PRKN: variants seen among roughly 807,000 people sequenced by gnomAD.
PRKN encodes the protein parkin RBR E3 ubiquitin protein ligase, also known as E3 ubiquitin-protein ligase parkin.
Under a neutral mutation model 59.5 loss-of-function variants are expected in PRKN, and 56 were observed. The observed-to-expected ratio is 0.94, with a 90% CI of 0.76 to 1.18. The LOEUF (loss-of-function observed/expected upper bound fraction) is 1.18, where lower values mean the gene tolerates loss of function less well. Ranked by LOEUF, PRKN falls within the 50% of genes most tolerant of loss-of-function variation. The probability of loss-of-function intolerance (pLI) is 0.00; values close to 1 mark genes in which losing one functional copy is unlikely to be tolerated. For synonymous variants in PRKN, 250 were observed against 222.1 expected, an observed-to-expected ratio of 1.13 and a Z score of -1.12; for missense variants, 657 against 596.4, an observed-to-expected ratio of 1.10 and a Z score of -1.06.
intron 1 of PRKN, among the ~76,000 whole-genome samples, chr6:162,725,402 A>T (rs1779108334): frequency 6.6e-6 from 1 of 152,088 alleles, no homozygotes; most frequent in Admixed American, 6.5e-5. Context: ...TTTCACTTTC[A>T]CCTACCTTTA....
rs147959133 is a variant in PRKN at position 161,804,031 on chromosome 6, C to T, written c.735-18123G>A. Among the ~76,000 whole-genome samples, 458 of 152,314 alleles carry T rather than the reference C, an allele frequency of 3.0e-3. 3 individuals are homozygous for T. The highest frequency in any genetic ancestry group is 0.01 in the African/African-American group (433 of 41,570). ...GGGGGGTGGCACAGCCTCCAGGTGA[C>T]CTGCAGCTGCCACAGCAGGAGAACA... On this transcript the variant is annotated intron_variant, in intron 6 of 11. Transcript: ENST00000366898.
rs1311509912 is a variant in PRKN, at chr6:161,363,271, A to G, written c.1168-3066T>C. ...AAACTTAACTGAGTATAAACTAAAT[A>G]TGTTTGTTATATTTAAATAAATAAA... On this transcript the variant is annotated intron_variant, in intron 10 of 11. Coordinates refer to ENST00000366898, the MANE Select transcript of PRKN (RefSeq NM_004562.3). This position sits in a 1 kb window ranked among gnomAD's most constrained non-coding sequence, Gnocchi z 4.1. 6.6e-6 allele frequency among the ~76,000 whole-genome samples: 1 copy of G among 152,152 alleles called. No individual in the cohort carries two copies. Among genetic ancestry groups the G allele is most frequent in the Non-Finnish European group, 1.5e-5 (1 of 68,022 alleles).
At chr6:162,024,141 AGTTT>A (rs1263844303) in intron 5 of PRKN, among the ~76,000 whole-genome samples, 2 of 146,628 alleles carry the variant, frequency 1.4e-5, no homozygotes, top group African/African-American at 2.6e-5. Context: ...GATGTTTTCC[AGTTT>A]GTTTGTGTCA....
At chr6:162,020,597 T>C (rs1783109187) in intron 5 of PRKN, among the ~76,000 whole-genome samples, 1 of 152,198 alleles carries the variant, frequency 6.6e-6, no homozygotes, top group East Asian at 1.9e-4. Flanking sequence ...AACAAAAAAG[T>C]TCAAGCTTAT....
intron 6 of PRKN, among the ~76,000 whole-genome samples, chr6:161,825,758 A>G (rs1257899914): frequency 1.3e-5 from 2 of 152,060 alleles, no homozygotes; most frequent in African/African-American, 2.4e-5. Context: ...AATGGGAGAC[A>G]GGAGGATTCT....
intron 2 of PRKN, among the ~76,000 whole-genome samples, chr6:162,389,239 A>G (rs528734309): frequency 6.6e-6 from 1 of 152,180 alleles, no homozygotes; most frequent in Admixed American, 6.5e-5. Context: ...AAATAGCAAG[A>G]AGGCAGTTGG....
intron 5 of PRKN, among the ~76,000 whole-genome samples, chr6:161,984,771 A>C (rs539370702): frequency 1.3e-5 from 2 of 152,330 alleles, no homozygotes; most frequent in East Asian, 3.9e-4. Context: ...TTACTTGTGC[A>C]TATGATCTTG....
chr6:162,496,025 G>A (rs1195827004), intron 1 of PRKN, among the ~76,000 whole-genome samples: 2 of 152,154 alleles, frequency 1.3e-5, no homozygotes, highest in Admixed American at 6.5e-5. Flanking sequence ...ATCACTTGAG[G>A]TCAGGAGTTT....
At chr6:162,015,555 C>A (rs1469553111) in intron 5 of PRKN, among the ~76,000 whole-genome samples, 1 of 151,664 alleles carries the variant, frequency 6.6e-6, no homozygotes, top group Non-Finnish European at 1.5e-5. Context: ...TTGTCAGCTA[C>A]GCTCTTGCTG....
rs1788495646 is a variant in PRKN at position 161,428,482 on chromosome 6, T to C, written c.1084-41605A>G. 1.3e-5 allele frequency among the ~76,000 whole-genome samples: 2 copies of C among 152,114 alleles called. No individual in the cohort carries two copies. Among genetic ancestry groups the C allele is most frequent in the South Asian group, 2.1e-4 (1 of 4,832 alleles). On this transcript the variant is annotated intron_variant, in intron 9 of 11. Coordinates refer to ENST00000366898, the MANE Select transcript of PRKN (RefSeq NM_004562.3). This position sits in a 1 kb window ranked among gnomAD's most constrained non-coding sequence, Gnocchi z 4.0. Reference sequence around the variant, plus strand: ...CGGCTGCTCCGTCCATCTTCGAACCTGGCTGGCATCGCAGATGCCCGTGCC... The same window carrying C: ...CGGCTGCTCCGTCCATCTTCGAACCCGGCTGGCATCGCAGATGCCCGTGCC...
At chr6:161,884,923 G>A (rs1795075521) in intron 6 of PRKN, among the ~76,000 whole-genome samples, 1 of 151,064 alleles carries the variant, frequency 6.6e-6, no homozygotes, top group East Asian at 1.9e-4. Flanking sequence ...GCAAAGAATA[G>A]CACTAGACAC....
In PRKN at chr6:161,584,507, T is replaced by C. The variant is rs1042980977; in HGVS notation, c.872-15091A>G. On this transcript the variant is annotated intron_variant, in intron 7 of 11. Coordinates refer to ENST00000366898, the MANE Select transcript of PRKN (RefSeq NM_004562.3). The surrounding 1 kb of genome is among the most constrained non-coding windows in gnomAD (Gnocchi z 4.8). Reference sequence around the variant, plus strand: ...GGGGGAAAAAACCTTATGGCTGGCCTGTTATTAGAAGAAAATCTTTTAACA... The same window carrying C: ...GGGGGAAAAAACCTTATGGCTGGCCCGTTATTAGAAGAAAATCTTTTAACA... 6.6e-6 allele frequency among the ~76,000 whole-genome samples: 1 copy of C among 152,260 alleles called. No individual in the cohort carries two copies.
At chr6:161,558,406 T>G (rs926356744) in intron 8 of PRKN, among the ~76,000 whole-genome samples, 4 of 149,824 alleles carry the variant, frequency 2.7e-5, no homozygotes, top group Non-Finnish European at 5.9e-5. Context: ...GACAAAAAAT[T>G]AAAAAAAAAT....
intron 5 of PRKN, among the ~76,000 whole-genome samples, chr6:161,996,022 A>T (rs1361107742): frequency 6.6e-6 from 1 of 152,172 alleles, no homozygotes; most frequent in African/African-American, 2.4e-5. Context: ...CATATGATCC[A>T]ATAATCCCAT....
intron 2 of PRKN, among the ~76,000 whole-genome samples, chr6:162,305,135 A>G (rs2128115531): frequency 6.6e-6 from 1 of 152,292 alleles, no homozygotes; most frequent in East Asian, 1.9e-4. Flanking sequence ...CTGCAGAAGG[A>G]AGACTTGAAC....
chr6:162,657,520 A>G (rs1456777324), intron 1 of PRKN, among the ~76,000 whole-genome samples: 1 of 152,182 alleles, frequency 6.6e-6, no homozygotes, highest in Non-Finnish European at 1.5e-5. Context: ...CTAAGCAACA[A>G]AAAGTTCTCT....
chr6:161,999,937 C>G (rs1201016345), intron 5 of PRKN, among the ~76,000 whole-genome samples: 1 of 152,032 alleles, frequency 6.6e-6, no homozygotes, highest in Non-Finnish European at 1.5e-5. Flanking sequence ...CTAATAGTAA[C>G]AAGATGCTTA....
At chr6:161,937,325 A>T (rs1444593301) in intron 6 of PRKN, among the ~76,000 whole-genome samples, 5 of 152,166 alleles carry the variant, frequency 3.3e-5, no homozygotes. Context: ...GTATGCTTAC[A>T]TGTTCTTACT....
At chr6:162,686,261 T>G (rs1443877307) in intron 1 of PRKN, among the ~76,000 whole-genome samples, 1 of 152,170 alleles carries the variant, frequency 6.6e-6, no homozygotes, top group Non-Finnish European at 1.5e-5. Context: ...TTCTTCCAGC[T>G]GACCCTATGG....
Sources: gnomAD v4.1 joint callset for allele counts (sites outside exome capture counted in the v4.1 genomes callset) on GRCh38, gnomAD v4.1.1 for gene constraint, Gnocchi (gnomAD v3.1) non-coding constraint, MANE v1.5 for transcripts, NCBI Gene and HGNC (gene_info 2026-07-23, HGNC 2026-07-21) for gene names.